The following ROBO1 variants were observed in gnomAD, a reference collection of about 807,000 sequenced individuals.
The protein encoded by ROBO1 is roundabout homolog 1.
ROBO1 carries 149 observed loss-of-function variants against 195.9 expected under a neutral mutation model. The observed-to-expected ratio is 0.76, with a 90% confidence interval of 0.67 to 0.87. The LOEUF is 0.87. Ranked by LOEUF, ROBO1 falls within the 40% of genes least tolerant of loss-of-function variation. The probability of loss-of-function intolerance (pLI) is 0.00; values close to 1 mark genes in which losing one functional copy is unlikely to be tolerated. For missense variants in ROBO1, 1,933 were observed against 2,068.3 expected (o/e 0.93, Z 1.27); for synonymous variants, 816 against 733.2 (o/e 1.11, Z -1.82).
intron 3 of ROBO1, chr3:79,019,410 A>T: frequency 1.0e-6 from 1 of 986,042 alleles, no homozygotes; most frequent in South Asian, 4.7e-5. Context: ...CTCCCGGATC[A>T]GCGGCGTCTG....
intron 4 of ROBO1, among the ~76,000 whole-genome samples, chr3:78,898,985 C>G (rs917721650): frequency 6.6e-6 from 1 of 152,072 alleles, no homozygotes; most frequent in African/African-American, 2.4e-5. Context: ...TAGCGCATCC[C>G]CAAACTCCAG....
intron 2 of ROBO1, among the ~76,000 whole-genome samples, chr3:79,495,021 G>GTAGA (rs148968468): frequency 0.3 from 46,005 of 151,302 alleles, 7,181 homozygotes; most frequent in Non-Finnish European, 0.35. Flanking sequence ...TGACAGATAG[G>GTAGA]TAGATAGATA....
At chr3:78,995,814 C>G (rs886120427) in intron 3 of ROBO1, among the ~76,000 whole-genome samples, 1 of 151,442 alleles carries the variant, frequency 6.6e-6, no homozygotes, top group South Asian at 2.1e-4. Context: ...AAAAAAAAGT[C>G]CTTACTAGGC....
chr3:79,398,194 A>G (rs1309117266), intron 2 of ROBO1, among the ~76,000 whole-genome samples: 1 of 152,124 alleles, frequency 6.6e-6, no homozygotes, highest in Non-Finnish European at 1.5e-5. Context: ...ACACCCTTAT[A>G]TTGCATTCTT....
At chr3:79,426,326 C>G (rs919969338) in intron 2 of ROBO1, among the ~76,000 whole-genome samples, 1 of 151,894 alleles carries the variant, frequency 6.6e-6, no homozygotes, top group South Asian at 2.1e-4. Flanking sequence ...TTACTTATTT[C>G]TCTTCTCTTA....
At chr3:79,385,795 G>T (rs2036721539) in intron 2 of ROBO1, among the ~76,000 whole-genome samples, 1 of 151,954 alleles carries the variant, frequency 6.6e-6, no homozygotes, top group African/African-American at 2.4e-5. Context: ...AAACATACCT[G>T]GGAAGAAACA....
intron 2 of ROBO1, among the ~76,000 whole-genome samples, chr3:79,181,221 G>A (rs1377526345): frequency 6.6e-6 from 1 of 152,112 alleles, no homozygotes; most frequent in Non-Finnish European, 1.5e-5. Flanking sequence ...CTTTCACTCT[G>A]TGTGAACCCA....
chr3:79,030,803 C>G (rs2078281821), intron 3 of ROBO1, among the ~76,000 whole-genome samples: 1 of 152,106 alleles, frequency 6.6e-6, no homozygotes, highest in African/African-American at 2.4e-5. Context: ...CTCACTGCAG[C>G]CTCCACCTCC....
intron 1 of ROBO1, among the ~76,000 whole-genome samples, chr3:79,604,093 C>T (rs1944415040): frequency 6.6e-6 from 1 of 151,908 alleles, no homozygotes; most frequent in Non-Finnish European, 1.5e-5. Context: ...ATTTGTTTAC[C>T]TTTCATTTAT....
chr3:79,753,547 G>A (rs1030182433), intron 1 of ROBO1, among the ~76,000 whole-genome samples: 5 of 152,166 alleles, frequency 3.3e-5, no homozygotes, highest in Admixed American at 2.6e-4. Context: ...CTGATGTTGA[G>A]CAAGCAGTAA....
intron 2 of ROBO1, among the ~76,000 whole-genome samples, chr3:79,286,845 G>T (rs2031916843): frequency 1.3e-5 from 2 of 152,026 alleles, no homozygotes; most frequent in South Asian, 4.1e-4. Context: ...TAAATGTAAG[G>T]ATTTAATTAC....
In ROBO1 at chr3:78,884,838, T is replaced by C. The variant is rs1409135208; in HGVS notation, c.499+53763A>G. 3.0e-5 allele frequency among the ~76,000 whole-genome samples: 4 copies of C among 133,108 alleles called. No homozygotes were observed. The East Asian group carries it at 8.7e-4, about 29-fold the overall frequency. The allele number at this position is 133,108 out of a possible 152,430, so 87.3% of individuals were successfully genotyped here. ...TAATAACATAAGGAAAAAGAAGAAA[T>C]AGACTCTCTCTCTCTCTCTCTCTCT... On this transcript the variant is annotated intron_variant, in intron 4 of 30. Transcript: ENST00000464233.
At chr3:79,602,544 A>C (rs1199710099) in intron 1 of ROBO1, among the ~76,000 whole-genome samples, 1 of 151,978 alleles carries the variant, frequency 6.6e-6, no homozygotes, top group Non-Finnish European at 1.5e-5. Context: ...TAAACACCTA[A>C]TTACTAACCA....
intron 4 of ROBO1, among the ~76,000 whole-genome samples, chr3:78,838,593 T>C (rs1427803919): frequency 6.6e-6 from 1 of 152,066 alleles, no homozygotes; most frequent in African/African-American, 2.4e-5. Flanking sequence ...AAGAGAGAGA[T>C]TGGGGACGTG....
intron 2 of ROBO1, among the ~76,000 whole-genome samples, chr3:79,170,972 C>T (rs1001075831): frequency 2.6e-5 from 4 of 151,820 alleles, no homozygotes; most frequent in Admixed American, 6.6e-5. Context: ...GTGCTGGATT[C>T]AGATGTACTA....
chr3:79,451,422 A>G (rs139121834), intron 2 of ROBO1, among the ~76,000 whole-genome samples: 1 of 152,214 alleles, frequency 6.6e-6, no homozygotes, highest in African/African-American at 2.4e-5. Context: ...GAAGAGCCTT[A>G]CCCCCTGTAG....
intron 4 of ROBO1, among the ~76,000 whole-genome samples, chr3:78,905,232 T>C (rs1249883810): frequency 6.6e-6 from 1 of 152,152 alleles, no homozygotes; most frequent in Admixed American, 6.6e-5. Context: ...TTATTTCTGC[T>C]TTCACAGTGT....
chr3:78,644,675 C>T (rs1706167889), intron 21 of ROBO1, among the ~76,000 whole-genome samples: 2 of 152,084 alleles, frequency 1.3e-5, no homozygotes, highest in South Asian at 2.1e-4. Context: ...TCCATCCTGC[C>T]GTGGCAACTA....
chr3:78,833,780 A>C (rs184719120), intron 4 of ROBO1, among the ~76,000 whole-genome samples: 14 of 152,102 alleles, frequency 9.2e-5, no homozygotes, highest in Non-Finnish European at 1.8e-4. Flanking sequence ...TAGGTACAAA[A>C]ATTCTGAGAC....
Sources: gnomAD v4.1 joint callset for allele counts (sites outside exome capture counted in the v4.1 genomes callset) on GRCh38, gnomAD v4.1.1 for gene constraint, MANE v1.5 for transcripts, NCBI Gene and HGNC (gene_info 2026-07-23, HGNC 2026-07-21) for gene names.